CACNA2D3: variants seen among roughly 807,000 people sequenced by gnomAD.
CACNA2D3 encodes calcium voltage-gated channel auxiliary subunit alpha2delta 3.
Under a neutral mutation model 160.6 loss-of-function variants are expected in CACNA2D3, and 60 were observed. The observed-to-expected ratio is 0.37, with a 90% CI of 0.30 to 0.46. CACNA2D3 has a LOEUF of 0.46. Among genes scored for constraint, CACNA2D3 ranks in the 20% least tolerant of loss-of-function variants. The probability of loss-of-function intolerance (pLI) is 1.00; values close to 1 mark genes in which losing one functional copy is unlikely to be tolerated. For missense variants in CACNA2D3, 1,205 were observed against 1,365.0 expected (o/e 0.88, Z 1.85); for synonymous variants, 558 against 492.9 (o/e 1.13, Z -1.75).
At chr3:54,300,920 T>A (rs1462014129) in intron 2 of CACNA2D3, among the ~76,000 whole-genome samples, 4 of 151,722 alleles carry the variant, frequency 2.6e-5, no homozygotes. Flanking sequence ...ACTCAGGAGG[T>A]TGAGACCAGA....
rs1021898824 is a variant in CACNA2D3 at position 54,739,794 on chromosome 3, T to C, written c.1168-12805T>C. On this transcript the variant is annotated intron_variant, in intron 11 of 37. Coordinates refer to ENST00000474759, the MANE Select transcript of CACNA2D3 (RefSeq NM_018398.3). ...GTGTGTGTGTGTGTGTGTGTGTGTG[T>C]GGAATTATATATATGTGTGTGTGTA... 6.8e-5 allele frequency among the ~76,000 whole-genome samples: 10 copies of C among 146,316 alleles called. No homozygotes were observed. The East Asian group carries it at 1.9e-3, about 28-fold the overall frequency.
rs560321972 is a variant in CACNA2D3 at position 54,635,257 on chromosome 3, G to A, written c.1054-6871G>A. Among the ~76,000 whole-genome samples, 5 of 152,086 alleles carry A rather than the reference G, an allele frequency of 3.3e-5. No individual in the cohort carries two copies. The East Asian group carries it at 9.7e-4, about 29-fold the overall frequency. On this transcript the variant is annotated intron_variant, in intron 10 of 37. Coordinates refer to ENST00000474759, the MANE Select transcript of CACNA2D3 (RefSeq NM_018398.3). ...ACAGGTATAAAAGGTCTAAGAATTGGGAGGACCTAGGGCATCTGATTAGAG... is the reference window on the plus strand; with the variant it reads ...ACAGGTATAAAAGGTCTAAGAATTGAGAGGACCTAGGGCATCTGATTAGAG...
intron 11 of CACNA2D3, among the ~76,000 whole-genome samples, chr3:54,688,446 GGAAT>G (rs1032661404): frequency 2.6e-5 from 4 of 151,924 alleles, no homozygotes; most frequent in African/African-American, 9.7e-5. Context: ...AGGGAGTGAA[GGAAT>G]GAATGAACAA....
At chr3:55,032,258 G>A (rs922940268) in intron 35 of CACNA2D3, among the ~76,000 whole-genome samples, 8 of 152,162 alleles carry the variant, frequency 5.3e-5, no homozygotes, top group Non-Finnish European at 1.2e-4. Flanking sequence ...TGGCATCCAT[G>A]TGGATGCCTC....
chr3:54,493,539 A>G (rs1701150500), intron 4 of CACNA2D3, among the ~76,000 whole-genome samples: 2 of 152,014 alleles, frequency 1.3e-5, no homozygotes. Context: ...CATTCAGCCA[A>G]TCTGAGATAT....
At chr3:54,803,026 A>C (rs757558170) in intron 13 of CACNA2D3, among the ~76,000 whole-genome samples, 6 of 152,178 alleles carry the variant, frequency 3.9e-5, no homozygotes, top group Non-Finnish European at 8.8e-5. Context: ...AAACTAACAA[A>C]CAGAAAGGAC....
At chr3:54,591,346 G>T (rs1702855243) in intron 9 of CACNA2D3, among the ~76,000 whole-genome samples, 1 of 152,126 alleles carries the variant, frequency 6.6e-6, no homozygotes, top group African/African-American at 2.4e-5. Flanking sequence ...AGCCATGATT[G>T]AATCTCAAGG....
intron 10 of CACNA2D3, among the ~76,000 whole-genome samples, chr3:54,636,830 A>T (rs1421487790): frequency 1.3e-5 from 2 of 152,004 alleles, no homozygotes; most frequent in Admixed American, 1.3e-4. Flanking sequence ...GGCTTGACTG[A>T]AGTAATGGGG....
chr3:54,872,212 A>G (rs934734118), intron 18 of CACNA2D3, among the ~76,000 whole-genome samples: 8 of 152,104 alleles, frequency 5.3e-5, no homozygotes, highest in East Asian at 1.9e-4. Flanking sequence ...GATTCAGCCT[A>G]TGGTGCTCTA....
chr3:54,557,294 A>C (rs1251016862), intron 5 of CACNA2D3, among the ~76,000 whole-genome samples: 1 of 152,166 alleles, frequency 6.6e-6, no homozygotes, highest in African/African-American at 2.4e-5. Context: ...CTCTTCTTGC[A>C]GAAGCATAAT....
At chr3:55,008,678 A>T (rs1361614933) in intron 33 of CACNA2D3, among the ~76,000 whole-genome samples, 2 of 152,150 alleles carry the variant, frequency 1.3e-5, no homozygotes, top group East Asian at 3.8e-4. Context: ...ACATTAACAG[A>T]TAATAGTGGG....
intron 2 of CACNA2D3, among the ~76,000 whole-genome samples, chr3:54,171,873 C>T (rs1700578744): frequency 6.6e-6 from 1 of 152,202 alleles, no homozygotes; most frequent in African/African-American, 2.4e-5. Context: ...TATCTTCTGT[C>T]CTTCCTGTCT....
chr3:54,344,858 A>G (rs906217702), intron 3 of CACNA2D3, among the ~76,000 whole-genome samples: 1 of 152,210 alleles, frequency 6.6e-6, no homozygotes, highest in Non-Finnish European at 1.5e-5. Flanking sequence ...GGAGGTCAGC[A>G]CAAAATACAG....
At position 54,321,046 on chromosome 3, in the gene CACNA2D3, G is replaced by A. The variant is rs575326862; in HGVS notation, c.321+488G>A. Among the ~76,000 whole-genome samples, 53 of 152,246 alleles carry A rather than the reference G, an allele frequency of 3.5e-4. No homozygotes were observed. The South Asian group carries it at 4.3e-3, about 12-fold the overall frequency. Reference sequence around the variant, plus strand: ...ATTTGAAAGTTTTTATTGGCCGGGCGCGGTGGCTCATGCCTGTAATCCCAG... The same window carrying A: ...ATTTGAAAGTTTTTATTGGCCGGGCACGGTGGCTCATGCCTGTAATCCCAG... On this transcript the variant is annotated intron_variant, in intron 3 of 37. Coordinates refer to ENST00000474759, the MANE Select transcript of CACNA2D3 (RefSeq NM_018398.3).
chr3:54,159,594 G>T (rs1010966230), intron 2 of CACNA2D3, among the ~76,000 whole-genome samples: 3 of 152,146 alleles, frequency 2.0e-5, no homozygotes, highest in African/African-American at 7.2e-5. Context: ...TGTGTTGGGT[G>T]CAAGATATGG....
chr3:54,904,304 C>T (rs963401193), intron 27 of CACNA2D3, among the ~76,000 whole-genome samples: 1 of 152,170 alleles, frequency 6.6e-6, no homozygotes, highest in Non-Finnish European at 1.5e-5. Flanking sequence ...CCGCATCTAC[C>T]ATATCAGGGT....
chr3:54,969,261 AC>A (rs1275159757), intron 28 of CACNA2D3, among the ~76,000 whole-genome samples: 1,721 of 127,822 alleles, frequency 0.013, 72 homozygotes, highest in African/African-American at 0.045. Context: ...CATAAAGTAG[AC>A]TTTTTTTTTT....
intron 27 of CACNA2D3, among the ~76,000 whole-genome samples, chr3:54,914,573 A>G (rs981260157): frequency 3.9e-5 from 6 of 152,212 alleles, no homozygotes; most frequent in Admixed American, 6.5e-5. Context: ...TCTGAAAGGG[A>G]TTATATATCA....
rs535677573 is a variant in CACNA2D3, at chr3:54,169,203, G to A, written c.204+45609G>A. Among the ~76,000 whole-genome samples the A allele has an allele frequency of 4.6e-5, 7 of 152,234 alleles. No homozygotes were observed. The South Asian group carries it at 1.0e-3, about 23-fold the overall frequency. On this transcript the variant is annotated intron_variant, in intron 2 of 37. Coordinates refer to ENST00000474759, the MANE Select transcript of CACNA2D3 (RefSeq NM_018398.3). ...AACAAGCAGCTTTTCAGATTTCTTC[G>A]AAAGTATCAAGGCTGAAATAGATCA...
Sources: allele counts gnomAD v4.1 joint callset (sites outside exome capture counted in the v4.1 genomes callset), GRCh38; gene constraint gnomAD v4.1.1; transcripts MANE v1.5; gene names NCBI Gene and HGNC (gene_info 2026-07-23, HGNC 2026-07-21).